The following SMG7 variants were observed in gnomAD, a reference collection of about 807,000 sequenced individuals.
SMG7 encodes nonsense-mediated mRNA decay factor SMG7.
SMG7 carries 34 observed loss-of-function variants against 148.2 expected under a neutral mutation model. The observed-to-expected ratio is 0.23, with a 90% CI of 0.17 to 0.31. The LOEUF is 0.31. SMG7 is among the 10% of genes least tolerant of loss of function. SMG7 has a pLI of 1.00. For missense variants in SMG7, 1,114 were observed against 1,408.4 expected (o/e 0.79, Z 3.35); for synonymous variants, 492 against 515.1 (o/e 0.96, Z 0.61).
chr1:183,481,793 T>C (rs1209882710), intron 1 of SMG7, among the ~76,000 whole-genome samples: 1 of 152,162 alleles, frequency 6.6e-6, no homozygotes. Flanking sequence ...TAGGGAAAGC[T>C]TCTGGAGTTG....
chr1:183,495,163 T>A (rs201259552), intron 1 of SMG7, among the ~76,000 whole-genome samples: 43 of 152,118 alleles, frequency 2.8e-4, no homozygotes, highest in East Asian at 9.7e-4. Context: ...ATATATATAT[T>A]TTTTTCTCTC....
chr1:183,502,945 C>T (rs528874005), intron 1 of SMG7, among the ~76,000 whole-genome samples: 1 of 152,314 alleles, frequency 6.6e-6, no homozygotes, highest in South Asian at 2.1e-4. Flanking sequence ...GATGCTTGAT[C>T]TCAAAGATGC....
chr1:183,530,445 G>T (rs1047746899), intron 8 of SMG7, among the ~76,000 whole-genome samples: 1 of 152,052 alleles, frequency 6.6e-6, no homozygotes, highest in Non-Finnish European at 1.5e-5. Context: ...ATTATAAATA[G>T]CAATAGTTTG....
chr1:183,519,339 A>T (rs903329606), intron 4 of SMG7, among the ~76,000 whole-genome samples: 2 of 152,124 alleles, frequency 1.3e-5, no homozygotes, highest in African/African-American at 4.8e-5. Flanking sequence ...TTTAAAATTT[A>T]TGCCAACTTT....
chr1:183,508,798 A>G (rs964885108), intron 1 of SMG7, among the ~76,000 whole-genome samples: 1 of 152,200 alleles, frequency 6.6e-6, no homozygotes, highest in African/African-American at 2.4e-5. Context: ...GATTTTATCA[A>G]AAACATAGCA....
intron 18 of SMG7, 83 bp from the exon 19 acceptor site, chr1:183,549,125 G>T: frequency 9.8e-7 from 1 of 1,020,884 alleles, no homozygotes; most frequent in East Asian, 2.4e-5. Context: ...GCATGCTTTT[G>T]CTTTGGTTCC....
intron 4 of SMG7, among the ~76,000 whole-genome samples, chr1:183,519,365 A>T (rs1664249788): frequency 6.6e-6 from 1 of 151,994 alleles, no homozygotes; most frequent in Non-Finnish European, 1.5e-5. Context: ...GCAACCAAAA[A>T]GTTGATACTT....
chr1:183,477,151 C>T (rs1652413910), intron 1 of SMG7, among the ~76,000 whole-genome samples: 1 of 152,144 alleles, frequency 6.6e-6, no homozygotes, highest in Admixed American at 6.5e-5. Context: ...ATAGGGAATA[C>T]CAGTCAAACA....
At chr1:183,474,290 C>T (rs767552215) in intron 1 of SMG7, among the ~76,000 whole-genome samples, 3 of 152,196 alleles carry the variant, frequency 2.0e-5, no homozygotes, top group Non-Finnish European at 4.4e-5. Flanking sequence ...TTGCCGGGCA[C>T]GGGGGCTCAC....
intron 13 of SMG7, 137 bp downstream of exon 13, chr1:183,541,240 CTCTTAAA>C: frequency 4.0e-6 from 3 of 740,778 alleles, no homozygotes; most frequent in Non-Finnish European, 6.8e-6. Context: ...CAATCATGAA[CTCTTAAA>C]TCGACATGTT....
chr1:183,528,807 G>C (rs1292442150), intron 6 of SMG7, 85 bp from the exon 7 acceptor site: 1 of 1,177,768 alleles, frequency 8.5e-7, no homozygotes, highest in East Asian at 2.4e-5. Context: ...CATTGTTTGA[G>C]TATTTAAACA....
chr1:183,520,611 G>A (rs1372485907), intron 4 of SMG7, among the ~76,000 whole-genome samples: 1 of 152,146 alleles, frequency 6.6e-6, no homozygotes, highest in African/African-American at 2.4e-5. Flanking sequence ...CTGTTGGGGG[G>A]AGGGGGAAGG....
intron 1 of SMG7, among the ~76,000 whole-genome samples, chr1:183,478,961 A>G (rs1254265374): frequency 2.6e-5 from 4 of 152,196 alleles, no homozygotes; most frequent in Admixed American, 2.0e-4. Context: ...ATTGTTATGA[A>G]TAGACTTATC....
chr1:183,540,419 TA>T lies in SMG7; in HGVS notation c.1296-552del, dbSNP rs1169750638. Among the ~76,000 whole-genome samples the T allele has an allele frequency of 6.2e-3, 897 of 144,118 alleles. 6 individuals are homozygous for T. Among genetic ancestry groups the T allele is most frequent in the African/African-American group, 0.02 (773 of 39,528 alleles). 94.5% of individuals were successfully genotyped at this position (144,118 alleles called of 152,430 possible). A position where few individuals can be genotyped will look rare whatever the true frequency, so the allele number is the denominator to read the frequency against. ...CTGCCTGGCAATTCTTAAATCTTCT[TA>T]AAAAAAAAAAAAGTTTAATAAGGAG... On this transcript the variant is annotated intron_variant, in intron 12 of 22. Transcript: ENST00000688051.
At chr1:183,533,986 C>T (rs774040660) in intron 10 of SMG7, among the ~76,000 whole-genome samples, 154 bp downstream of exon 10, 7 of 152,140 alleles carry the variant, frequency 4.6e-5, no homozygotes, top group Non-Finnish European at 8.8e-5. Context: ...CCTCTTTGTA[C>T]GCTTTTCATT....
intron 2 of SMG7, among the ~76,000 whole-genome samples, chr1:183,515,030 T>A (rs528307557): frequency 6.6e-6 from 1 of 152,342 alleles, no homozygotes; most frequent in Admixed American, 6.5e-5. Context: ...TAAGTTCACC[T>A]ACTGAGGGAG....
chr1:183,492,300 A>C (rs1287482019), intron 1 of SMG7, among the ~76,000 whole-genome samples: 2 of 152,232 alleles, frequency 1.3e-5, no homozygotes, highest in African/African-American at 2.4e-5. Flanking sequence ...CCATTAAATT[A>C]CTTTGATACC....
At chr1:183,533,093 G>A (rs1437221866) in intron 8 of SMG7, 71 bp from the exon 9 acceptor site, 5 of 1,344,436 alleles carry the variant, frequency 3.7e-6, no homozygotes. Flanking sequence ...CAGACTACCA[G>A]TTTAATTTCT....
chr1:183,552,135 T>TC lies in SMG7; in HGVS notation c.*210dup. ...AGAAAAATCCATCAGGAACTCTCCG[T>TC]CCCCCCGGGGCCCTCCGGAGGGAGA... On this transcript the variant is annotated 3_prime_UTR_variant, in exon 23 of 23. Coordinates refer to ENST00000688051, the MANE Select transcript of SMG7 (RefSeq NM_001375584.1). The TC allele has an allele frequency of 1.2e-5, 15 of 1,257,544 alleles. No homozygotes were observed. The highest frequency in any genetic ancestry group is 8.2e-5 in the South Asian group (3 of 36,592). 77.9% of individuals were successfully genotyped at this position (1,257,544 alleles called of 1,614,324 possible).
Sources: gnomAD v4.1 joint callset for allele counts (sites outside exome capture counted in the v4.1 genomes callset) on GRCh38, gnomAD v4.1.1 for gene constraint, MANE v1.5 for transcripts, NCBI Gene and HGNC (gene_info 2026-07-23, HGNC 2026-07-21) for gene names.